The following DCDC1 variants were observed in gnomAD, a reference collection of about 807,000 sequenced individuals.
DCDC1 encodes the protein doublecortin domain containing 1.
DCDC1 carries 200 observed loss-of-function variants against 178.3 expected under a neutral mutation model. That is an observed-to-expected ratio of 1.12 (90% CI 1.00 to 1.26). The LOEUF is 1.26. DCDC1 is among the 50% of genes most tolerant of loss of function. The probability of loss-of-function intolerance (pLI) is 0.00; values close to 1 mark genes in which losing one functional copy is unlikely to be tolerated. For synonymous variants in DCDC1, 690 were observed against 604.8 expected, an observed-to-expected ratio of 1.14 and a Z score of -2.07; for missense variants, 1,983 against 1,749.2, an observed-to-expected ratio of 1.13 and a Z score of -2.38.
chr11:31,323,359 G>A (rs1216363694), intron 3 of DCDC1, among the ~76,000 whole-genome samples: 1 of 152,124 alleles, frequency 6.6e-6, no homozygotes, highest in Non-Finnish European at 1.5e-5. Flanking sequence ...TATTCGTGTT[G>A]CCTGTCAAAA....
chr11:31,179,921 T>C (rs1037291392), intron 9 of DCDC1, among the ~76,000 whole-genome samples: 1 of 152,088 alleles, frequency 6.6e-6, no homozygotes, highest in African/African-American at 2.4e-5. Flanking sequence ...CAACAGCACA[T>C]TGAAAAGATA....
intron 23 of DCDC1, 85 bp from the exon 24 acceptor site, chr11:30,922,723 A>C: frequency 1.5e-6 from 2 of 1,301,210 alleles, no homozygotes; most frequent in Non-Finnish European, 2.0e-6. Context: ...CAATTAAAAA[A>C]ATCAAAATGT....
chr11:31,073,859 T>C lies in DCDC1; in HGVS notation c.2298+4006A>G, dbSNP rs575573325. Among the ~76,000 whole-genome samples the C allele has an allele frequency of 1.1e-4, 16 of 152,280 alleles. 1 individual carries two copies. Among genetic ancestry groups the C allele is most frequent in the Admixed American group, 7.8e-4 (12 of 15,288 alleles). ...TAGCTGGTGTACCAACAAATAACTA[T>C]TCAGGGAAGGAAATGTTATTATAAC... On this transcript the variant is annotated intron_variant, in intron 18 of 38. Transcript: ENST00000684477.
At chr11:31,047,377 T>C (rs1954914094) in intron 20 of DCDC1, among the ~76,000 whole-genome samples, 1 of 152,130 alleles carries the variant, frequency 6.6e-6, no homozygotes, top group African/African-American at 2.4e-5. Flanking sequence ...TAAATGTAAC[T>C]ACAACAGCCA....
At chr11:31,187,997 T>C (rs182697472) in intron 9 of DCDC1, among the ~76,000 whole-genome samples, 1 of 152,214 alleles carries the variant, frequency 6.6e-6, no homozygotes, top group Non-Finnish European at 1.5e-5. Context: ...TAATCTTTTT[T>C]AATTTTTTTT....
At chr11:30,994,311 T>A (rs1590694424) in intron 20 of DCDC1, among the ~76,000 whole-genome samples, 1 of 152,120 alleles carries the variant, frequency 6.6e-6, no homozygotes, top group Middle Eastern at 3.4e-3. Flanking sequence ...TTTACCCATT[T>A]TTTTCTTTCC....
rs1940855252 is a variant in DCDC1, at chr11:30,864,950, G to A, written c.*423C>T. The A allele has an allele frequency of 6.6e-6, 1 of 152,164 alleles. No homozygotes were observed. The highest frequency in any genetic ancestry group is 2.4e-5 in the African/African-American group (1 of 41,510). The allele number at this position is 152,164 out of a possible 1,614,324, so 9.4% of individuals were successfully genotyped here. A position where few individuals can be genotyped will look rare whatever the true frequency, so the allele number is the denominator to read the frequency against. ...TTGAAAAAACTGAGTTATTTTGAAG[G>A]ATAAATTTATTTTTTATTTTTTATT... is the stretch of plus-strand genomic sequence containing the variant. On this transcript the variant is annotated 3_prime_UTR_variant, in exon 39 of 39. Transcript: ENST00000684477.
At chr11:31,209,061 A>G (rs1398984208) in intron 9 of DCDC1, among the ~76,000 whole-genome samples, 1 of 152,198 alleles carries the variant, frequency 6.6e-6, no homozygotes, top group African/African-American at 2.4e-5. Flanking sequence ...AGATACTCAA[A>G]TAAATACATG....
chr11:30,996,644 C>T (rs1462937653), intron 20 of DCDC1, among the ~76,000 whole-genome samples: 3 of 152,134 alleles, frequency 2.0e-5, no homozygotes, highest in African/African-American at 7.2e-5. Flanking sequence ...GGATGCAGCA[C>T]CAAGGCACAG....
chr11:31,288,735 A>C (rs1947017090), intron 7 of DCDC1, among the ~76,000 whole-genome samples: 1 of 151,890 alleles, frequency 6.6e-6, no homozygotes, highest in African/African-American at 2.4e-5. Flanking sequence ...TTTTTTCTTA[A>C]GACTATGCCA....
intron 11 of DCDC1, among the ~76,000 whole-genome samples, chr11:31,126,899 T>C (rs913774333): frequency 6.6e-6 from 1 of 152,234 alleles, no homozygotes; most frequent in Non-Finnish European, 1.5e-5. Context: ...AATAGCAAAG[T>C]AGTAGAGGAC....
intron 9 of DCDC1, among the ~76,000 whole-genome samples, chr11:31,190,654 T>C (rs1200586649): frequency 6.6e-6 from 1 of 152,092 alleles, no homozygotes; most frequent in Non-Finnish European, 1.5e-5. Context: ...CCACTAACAG[T>C]GTGTAGAAAT....
intron 20 of DCDC1, among the ~76,000 whole-genome samples, chr11:31,016,140 T>C (rs75966036): frequency 0.055 from 8,322 of 152,236 alleles, 779 homozygotes; most frequent in African/African-American, 0.19. Context: ...GTTTCTTCAG[T>C]CATAAAATGG....
intron 9 of DCDC1, among the ~76,000 whole-genome samples, chr11:31,162,526 T>C (rs2136172415): frequency 1.3e-5 from 2 of 152,312 alleles, no homozygotes; most frequent in South Asian, 4.1e-4. Context: ...TTCAAAATTG[T>C]ATTATGTTTT....
intron 20 of DCDC1, among the ~76,000 whole-genome samples, chr11:30,981,753 T>C (rs895206440): frequency 6.6e-6 from 1 of 152,170 alleles, no homozygotes; most frequent in Non-Finnish European, 1.5e-5. Flanking sequence ...TAAAGATCTG[T>C]TCAACGTTTC....
intron 12 of DCDC1, among the ~76,000 whole-genome samples, chr11:31,108,199 T>C (rs1389682534): frequency 6.6e-6 from 1 of 152,174 alleles, no homozygotes. Flanking sequence ...CAACTTAGTG[T>C]TTTCATTAGC....
chr11:31,118,473 G>A (rs1960301426), intron 11 of DCDC1, among the ~76,000 whole-genome samples: 1 of 152,006 alleles, frequency 6.6e-6, no homozygotes. Context: ...ATGTTCAAAT[G>A]AAGAATTTAT....
At position 31,265,610 on chromosome 11, in the gene DCDC1, A is replaced by G. The variant is rs1471788607; in HGVS notation, c.961-10T>C. The G allele has an allele frequency of 2.4e-6, 3 of 1,258,530 alleles. No individual in the cohort carries two copies. The African/African-American group carries it at 4.7e-5, about 20-fold the overall frequency. 78.0% of individuals were successfully genotyped at this position (1,258,530 alleles called of 1,614,324 possible). A position where few individuals can be genotyped will look rare whatever the true frequency, so the allele number is the denominator to read the frequency against. ...TACAAGTATCTAAAACCTGTGCAGGAAAAAAAAATTATAAATAATTTAGTA... is the reference window on the plus strand; with the variant it reads ...TACAAGTATCTAAAACCTGTGCAGGGAAAAAAAATTATAAATAATTTAGTA... On this transcript the variant is annotated splice_polypyrimidine_tract_variant and intron_variant, in intron 7 of 38. Coordinates refer to ENST00000684477, the MANE Select transcript of DCDC1 (RefSeq NM_001387274.1).
intron 20 of DCDC1, among the ~76,000 whole-genome samples, chr11:30,993,705 A>C (rs1014324899): frequency 6.6e-6 from 1 of 152,150 alleles, no homozygotes. Context: ...ATATATGACA[A>C]ATTAAAATAT....
Sources: gnomAD v4.1 joint callset for allele counts (sites outside exome capture counted in the v4.1 genomes callset) on GRCh38, gnomAD v4.1.1 for gene constraint, MANE v1.5 for transcripts, NCBI Gene and HGNC (gene_info 2026-07-23, HGNC 2026-07-21) for gene names.